Variants in ARB2A observed in about 807,000 individuals in gnomAD.
ARB2A encodes ARB2 cotranscriptional regulator A.
chr5:93,669,830 T>C, the ARB2A span, among the ~76,000 whole-genome samples: 6 of 152,194 alleles, frequency 3.9e-5, no homozygotes, highest in African/African-American at 1.4e-4. Flanking sequence ...GTTAGAAGTT[T>C]CACACGTTGG....
chr5:94,039,150 T>G, the ARB2A span, among the ~76,000 whole-genome samples: 1 of 152,226 alleles, frequency 6.6e-6, no homozygotes, highest in African/African-American at 2.4e-5. Flanking sequence ...AACTCACATT[T>G]TCTAAATCAT....
At chr5:93,696,838 G>C in the ARB2A span, among the ~76,000 whole-genome samples, 1 of 151,974 alleles carries the variant, frequency 6.6e-6, no homozygotes, top group African/African-American at 2.4e-5. Context: ...GAGGTGGGTG[G>C]ATTGCCTGAG....
chr5:93,697,689 C>T, the ARB2A span, among the ~76,000 whole-genome samples: 9 of 152,126 alleles, frequency 5.9e-5, no homozygotes, highest in Admixed American at 5.2e-4. Context: ...CTTACCGCTT[C>T]AGCACATCAC....
chr5:93,989,462 C>T, the ARB2A span, among the ~76,000 whole-genome samples: 1 of 151,896 alleles, frequency 6.6e-6, no homozygotes, highest in Non-Finnish European at 1.5e-5. Flanking sequence ...ATTTCTATTC[C>T]ACAGAAGCCA....
chr5:94,100,179 C>T, the ARB2A span, among the ~76,000 whole-genome samples: 2 of 152,038 alleles, frequency 1.3e-5, no homozygotes, highest in Non-Finnish European at 2.9e-5. Flanking sequence ...AATGGCCATC[C>T]CATTCAAAAC....
chr5:93,799,566 A>G, the ARB2A span, among the ~76,000 whole-genome samples: 3 of 152,154 alleles, frequency 2.0e-5, no homozygotes, highest in Non-Finnish European at 4.4e-5. Flanking sequence ...ATGCAAGTAT[A>G]TCAGGATCTG....
chr5:94,111,478 C>A, the ARB2A span: 1 of 152,950 alleles, frequency 6.5e-6, no homozygotes, highest in South Asian at 2.0e-4. Flanking sequence ...GGCCTGCCCC[C>A]GGAGCTCACA....
the ARB2A span, among the ~76,000 whole-genome samples, chr5:93,878,281 T>C: frequency 6.6e-6 from 1 of 152,132 alleles, no homozygotes; most frequent in Non-Finnish European, 1.5e-5. Flanking sequence ...TTAAAATTTA[T>C]TGTGAAAGAT....
the ARB2A span, among the ~76,000 whole-genome samples, chr5:93,770,515 C>T: frequency 6.6e-5 from 10 of 151,978 alleles, no homozygotes; most frequent in South Asian, 8.3e-4. Flanking sequence ...GGAAGTCAAA[C>T]TGTCCCTGTT....
At chr5:93,991,835 G>A in the ARB2A span, among the ~76,000 whole-genome samples, 1 of 151,918 alleles carries the variant, frequency 6.6e-6, no homozygotes. Flanking sequence ...GTGGATGGGA[G>A]AAAAGATAAA....
At chr5:93,886,988 T>A in the ARB2A span, among the ~76,000 whole-genome samples, 28 of 151,814 alleles carry the variant, frequency 1.8e-4, no homozygotes, top group African/African-American at 6.8e-4. Context: ...AAATAGCTCA[T>A]CAAGTTAGTC....
At chr5:93,661,342 T>C in the ARB2A span, among the ~76,000 whole-genome samples, 1 of 152,138 alleles carries the variant, frequency 6.6e-6, no homozygotes, top group Non-Finnish European at 1.5e-5. Flanking sequence ...TAGTAATTTG[T>C]TTAAGGTAGA....
At chr5:93,678,526 T>C in the ARB2A span, among the ~76,000 whole-genome samples, 1 of 152,020 alleles carries the variant, frequency 6.6e-6, no homozygotes, top group South Asian at 2.1e-4. Flanking sequence ...GAGCCCGAGG[T>C]GGGTGGATCA....
At chr5:93,760,830 A>C in the ARB2A span, among the ~76,000 whole-genome samples, 1 of 152,222 alleles carries the variant, frequency 6.6e-6, no homozygotes, top group Non-Finnish European at 1.5e-5. Flanking sequence ...CCCCTTCTAG[A>C]CACTGACTTA....
chr5:93,828,602 A>C, the ARB2A span, among the ~76,000 whole-genome samples: 1 of 152,144 alleles, frequency 6.6e-6, no homozygotes, highest in African/African-American at 2.4e-5. Flanking sequence ...TAGCCTCAAC[A>C]ATCTCTAGCC....
the ARB2A span, among the ~76,000 whole-genome samples, chr5:93,979,275 G>A: frequency 4.6e-5 from 7 of 152,076 alleles, no homozygotes; most frequent in African/African-American, 1.7e-4. Context: ...TTTATCCCCA[G>A]TGCAGTATGT....
At chr5:93,719,810 T>C in the ARB2A span, among the ~76,000 whole-genome samples, 2 of 152,224 alleles carry the variant, frequency 1.3e-5, no homozygotes, top group African/African-American at 4.8e-5. Context: ...GTTTCCTATC[T>C]GTTTGGTTCC....
chr5:94,103,795 C>CAAAAAAAAAAAAAAAAAAAAAAAAAA, the ARB2A span, among the ~76,000 whole-genome samples: 1 of 113,344 alleles, frequency 8.8e-6, no homozygotes, highest in Non-Finnish European at 1.9e-5. Context: ...TCAACAGATT[C>CAAAAAAAAAAAAAAAAAAAAAAAAAA]AAAAAAAAAA....
At chr5:94,028,352 C>T in the ARB2A span, among the ~76,000 whole-genome samples, 2 of 152,218 alleles carry the variant, frequency 1.3e-5, no homozygotes, top group African/African-American at 2.4e-5. Context: ...AAATGCAATA[C>T]AGCCAGCAGC....
Sources: allele counts gnomAD v4.1 joint callset (sites outside exome capture counted in the v4.1 genomes callset), GRCh38; gene constraint gnomAD v4.1.1; transcripts MANE v1.5; gene names NCBI Gene and HGNC (gene_info 2026-07-23, HGNC 2026-07-21).